Variants in USP7 observed in about 807,000 individuals in gnomAD.
USP7 encodes ubiquitin specific peptidase 7, also known as ubiquitin C-terminal hydrolase 7.
USP7 carries 9 observed loss-of-function variants against 162.9 expected under a neutral mutation model. The ratio of observed to expected loss-of-function variants is 0.06; its 90% CI spans 0.03 to 0.10. The LOEUF (loss-of-function observed/expected upper bound fraction) is 0.10. Ranked by LOEUF, USP7 falls within the 10% of genes least tolerant of loss-of-function variation. USP7 has a pLI of 1.00. For missense variants in USP7, 715 were observed against 1,373.7 expected (o/e 0.52, Z 7.58); for synonymous variants, 562 against 475.9 (o/e 1.18, Z -2.35).
At chr16:8,907,498 G>A (rs1045258892) in intron 12 of USP7, among the ~76,000 whole-genome samples, 16 of 152,324 alleles carry the variant, frequency 1.1e-4, no homozygotes, top group African/African-American at 3.8e-4. Context: ...TAAAAATACT[G>A]TATTCTAAAT....
At chr16:8,925,883 G>T (rs1277084980) in intron 2 of USP7, among the ~76,000 whole-genome samples, 1 of 152,248 alleles carries the variant, frequency 6.6e-6, no homozygotes, top group African/African-American at 2.4e-5. Flanking sequence ...GGCCAGGTGC[G>T]GTGGCTCACT....
intron 1 of USP7, among the ~76,000 whole-genome samples, chr16:8,935,455 C>T (rs979564748): frequency 2.6e-5 from 4 of 152,208 alleles, no homozygotes; most frequent in African/African-American, 7.2e-5. Flanking sequence ...AGGTGATCTG[C>T]GCACCTCGGC....
At chr16:8,961,866 A>G (rs892957058) in intron 1 of USP7, among the ~76,000 whole-genome samples, 1 of 152,204 alleles carries the variant, frequency 6.6e-6, no homozygotes, top group Admixed American at 6.5e-5. Context: ...GCTGGGGCCA[A>G]GTGAAACAGA....
chr16:8,949,056 T>A (rs1899430206), intron 1 of USP7, among the ~76,000 whole-genome samples: 1 of 152,228 alleles, frequency 6.6e-6, no homozygotes, highest in African/African-American at 2.4e-5. Flanking sequence ...AGGATTTCCT[T>A]TTGTGGTGAT....
chr16:8,912,461 AAG>A (rs1421539579), intron 10 of USP7, among the ~76,000 whole-genome samples: 1 of 151,652 alleles, frequency 6.6e-6, no homozygotes, highest in Admixed American at 6.6e-5. Context: ...AAAAAAAAAA[AAG>A]AAAGAAAAAA....
At chr16:8,941,093 G>A (rs1204374717) in intron 1 of USP7, among the ~76,000 whole-genome samples, 2 of 152,176 alleles carry the variant, frequency 1.3e-5, no homozygotes, top group Non-Finnish European at 2.9e-5. Context: ...GCCCATGTTT[G>A]CCAAGGAGCT....
chr16:8,896,113 A>G (rs2061677637), intron 26 of USP7, among the ~76,000 whole-genome samples: 1 of 145,170 alleles, frequency 6.9e-6, no homozygotes, highest in African/African-American at 2.5e-5. Flanking sequence ...TGCTGGGATT[A>G]TAGGTGTGAG....
Position 8,923,138 on chromosome 16 carries a change from A to G in USP7, c.383+77T>C, listed in dbSNP as rs1897794807. ...CTAATTTAAAATCAAAAGGCTATGTAGAGGCAGCAAATAACTTAAGATAAA... is the reference window on the plus strand; with the variant it reads ...CTAATTTAAAATCAAAAGGCTATGTGGAGGCAGCAAATAACTTAAGATAAA... On this transcript the variant is annotated intron_variant, in intron 3 of 30. Coordinates refer to ENST00000344836, the MANE Select transcript of USP7 (RefSeq NM_003470.3). 3 of 718,420 alleles carry G rather than the reference A, an allele frequency of 4.2e-6. No individual in the cohort carries two copies. The South Asian group carries it at 8.2e-5, about 20-fold the overall frequency. The allele number at this position is 718,420 out of a possible 1,614,324, so 44.5% of individuals were successfully genotyped here.
chr16:8,941,938 A>T (rs1321202154), intron 1 of USP7, among the ~76,000 whole-genome samples: 5 of 152,202 alleles, frequency 3.3e-5, no homozygotes, highest in Admixed American at 6.5e-5. Flanking sequence ...GGGCAAACGC[A>T]CACAGTGACA....
In USP7 at chr16:8,904,980, A is replaced by C. The variant is rs985938691; in HGVS notation, c.1573+207T>G. Among the ~76,000 whole-genome samples the C allele has an allele frequency of 2.0e-5, 3 of 152,140 alleles. No individual in the cohort carries two copies. In the East Asian group the frequency reaches 5.8e-4, roughly 29 times the overall value. Reference sequence around the variant, plus strand: ...GCAAGACTCCGTCTCAAAAAAATAAAATAAAATAATCTATTAACATGAAAT... The same window carrying C: ...GCAAGACTCCGTCTCAAAAAAATAACATAAAATAATCTATTAACATGAAAT... On this transcript the variant is annotated intron_variant, in intron 14 of 30. Transcript: ENST00000344836.
chr16:8,925,759 C>G (rs1470280800), intron 2 of USP7, among the ~76,000 whole-genome samples: 1 of 152,210 alleles, frequency 6.6e-6, no homozygotes, highest in Non-Finnish European at 1.5e-5. Context: ...TTTCTTAGAA[C>G]AGACTTATCA....
At chr16:8,922,441 T>C (rs1596380932) in intron 3 of USP7, among the ~76,000 whole-genome samples, 1 of 152,198 alleles carries the variant, frequency 6.6e-6, no homozygotes, top group East Asian at 1.9e-4. Context: ...TGAGCCAAGA[T>C]CAGGCCACTG....
chr16:8,915,072 T>C (rs2062008152), intron 10 of USP7, among the ~76,000 whole-genome samples, 182 bp downstream of exon 10: 1 of 152,180 alleles, frequency 6.6e-6, no homozygotes, highest in Admixed American at 6.5e-5. Context: ...GTGGGAGTGC[T>C]GGCCAACACC....
intron 2 of USP7, among the ~76,000 whole-genome samples, chr16:8,925,068 A>G (rs1897916213): frequency 6.6e-6 from 1 of 152,242 alleles, no homozygotes; most frequent in African/African-American, 2.4e-5. Context: ...ATGTGCTTTT[A>G]GGATCATGCA....
intron 1 of USP7, among the ~76,000 whole-genome samples, chr16:8,960,065 G>T (rs1238878193): frequency 6.6e-6 from 1 of 152,212 alleles, no homozygotes; most frequent in Non-Finnish European, 1.5e-5. Flanking sequence ...GACCATCTGA[G>T]TATTCAGAGG....
chr16:8,956,079 C>G (rs1482271100), intron 1 of USP7, among the ~76,000 whole-genome samples: 1 of 152,164 alleles, frequency 6.6e-6, no homozygotes, highest in Non-Finnish European at 1.5e-5. Context: ...AGTTTAACAA[C>G]TTACTGTGAG....
intron 1 of USP7, 46 bp downstream of exon 1, chr16:8,963,161 T>C (rs1900089555): frequency 7.3e-7 from 1 of 1,374,848 alleles, no homozygotes; most frequent in Admixed American, 2.7e-5. Flanking sequence ...CCGGCCACAA[T>C]GAAAGGCGCC....
intron 22 of USP7, 33 bp downstream of exon 22, chr16:8,899,571 G>C (rs1341727430): frequency 1.9e-6 from 3 of 1,608,070 alleles, no homozygotes; most frequent in Non-Finnish European, 2.6e-6. Flanking sequence ...TCTGGAGTGG[G>C]ATCTGAAGAG....
intron 13 of USP7, among the ~76,000 whole-genome samples, chr16:8,905,853 A>T (rs570550779): frequency 6.6e-6 from 1 of 152,216 alleles, no homozygotes; most frequent in Non-Finnish European, 1.5e-5. Flanking sequence ...CAGCCACATT[A>T]AACAGTGATG....
Sources: allele counts gnomAD v4.1 joint callset (sites outside exome capture counted in the v4.1 genomes callset), GRCh38; gene constraint gnomAD v4.1.1; transcripts MANE v1.5; gene names NCBI Gene and HGNC (gene_info 2026-07-23, HGNC 2026-07-21).